Variants in TFAP2D observed in about 807,000 individuals in gnomAD.
TFAP2D encodes transcription factor AP-2 delta, also known as transcription factor AP-2-delta.
In TFAP2D, 9 loss-of-function variants were observed where a neutral mutation model predicts 43.6. The observed-to-expected ratio is 0.21, with a 90% CI of 0.12 to 0.36. The LOEUF (loss-of-function observed/expected upper bound fraction) is 0.36. Among genes scored for constraint, TFAP2D ranks in the 10% least tolerant of loss-of-function variants. The pLI is 1.00. For synonymous variants in TFAP2D, 256 were observed against 224.9 expected, an observed-to-expected ratio of 1.14 and a Z score of -1.24; for missense variants, 513 against 561.4, an observed-to-expected ratio of 0.91 and a Z score of 0.87.
At chr6:50,767,292 C>G (rs866370131) in intron 7 of TFAP2D, among the ~76,000 whole-genome samples, 1 of 152,146 alleles carries the variant, frequency 6.6e-6, no homozygotes, top group Non-Finnish European at 1.5e-5. Context: ...CAGCTTTTCA[C>G]TATTGAGTAT....
At chr6:50,726,418 C>T (rs930674409) in intron 3 of TFAP2D, among the ~76,000 whole-genome samples, 1 of 152,302 alleles carries the variant, frequency 6.6e-6, no homozygotes. Flanking sequence ...TTATCATAAA[C>T]TTGAAGCTAA....
At chr6:50,721,393 G>T (rs1768722209) in intron 3 of TFAP2D, among the ~76,000 whole-genome samples, 1 of 152,202 alleles carries the variant, frequency 6.6e-6, no homozygotes, top group African/African-American at 2.4e-5. Context: ...TTGAGCCTTG[G>T]AGAGGAGGGT....
intron 5 of TFAP2D, among the ~76,000 whole-genome samples, chr6:50,736,213 G>A (rs1272331797): frequency 1.3e-5 from 2 of 152,152 alleles, no homozygotes; most frequent in African/African-American, 4.8e-5. Flanking sequence ...TATGAAAAGT[G>A]TAGTGCGTTG....
intron 5 of TFAP2D, among the ~76,000 whole-genome samples, chr6:50,744,302 G>A (rs752302750): frequency 3.3e-5 from 5 of 152,054 alleles, no homozygotes; most frequent in Non-Finnish European, 5.9e-5. Context: ...TGCAGTATTC[G>A]GTTTTCTGTT....
intron 6 of TFAP2D, among the ~76,000 whole-genome samples, chr6:50,746,008 C>A (rs926586294): frequency 6.6e-6 from 1 of 152,022 alleles, no homozygotes; most frequent in African/African-American, 2.4e-5. Context: ...CCAGCAGAAC[C>A]GCAGATAGCA....
At chr6:50,746,827 C>G (rs373147189) in intron 6 of TFAP2D, among the ~76,000 whole-genome samples, 1 of 152,118 alleles carries the variant, frequency 6.6e-6, no homozygotes, top group African/African-American at 2.4e-5. Context: ...GTGGCTGGCA[C>G]TGTTTGGACT....
At position 50,772,864 on chromosome 6, in the gene TFAP2D, G is replaced by C. The variant is rs1447448857; in HGVS notation, c.1359G>C (p.Ter453TyrextTer14). ...AGGGCAAAACAGAAAAGACAGACTA[G>C]CTACATCAAACAGAATCTATTTCCA... Reference protein sequence around the residue: ...VKEGKTEKTD* With the variant: ...VKEGKTEKTDY The change falls in exon 8 of 8, where the codon TAG becomes TAC. Residue 453 changes from the stop codon to tyrosine, a stop_lost. Coordinates refer to ENST00000008391, the MANE Select transcript of TFAP2D (RefSeq NM_172238.4). 1.9e-6 allele frequency: 3 copies of C among 1,610,076 alleles called. No homozygotes were observed. Among genetic ancestry groups the C allele is most frequent in the Non-Finnish European group, 2.5e-6 (3 of 1,178,018 alleles).
chr6:50,740,420 G>A (rs983448016), intron 5 of TFAP2D, among the ~76,000 whole-genome samples: 2 of 151,768 alleles, frequency 1.3e-5, no homozygotes, highest in Non-Finnish European at 2.9e-5. Context: ...TTTAAAGAAA[G>A]AATTTTGTTT....
chr6:50,723,475 G>C lies in TFAP2D; in HGVS notation c.598+4325G>C, dbSNP rs144880444. Among the ~76,000 whole-genome samples, 115 of 152,316 alleles carry C rather than the reference G, an allele frequency of 7.6e-4. 1 individual carries two copies. The highest frequency in any genetic ancestry group is 2.5e-3 in the African/African-American group (104 of 41,570). On this transcript the variant is annotated intron_variant, in intron 3 of 7. Coordinates refer to ENST00000008391, the MANE Select transcript of TFAP2D (RefSeq NM_172238.4). ...CTTTGTCAGTACTCTTCGGATTCCA[G>C]ATGGATTACCTGGAATCACTACTCT...
rs940214180 is a variant in TFAP2D, at chr6:50,743,059, T to C, written c.884-2048T>C. Among the ~76,000 whole-genome samples, 3 of 151,362 alleles carry C rather than the reference T, an allele frequency of 2.0e-5. 1 individual carries two copies. In the East Asian group the frequency reaches 5.9e-4, roughly 30 times the overall value. Reference sequence around the variant, plus strand: ...TCTTACCTTAAACTGTGACCCCCCATTAAACTAGCACTATTCAGATTAATA... The same window carrying C: ...TCTTACCTTAAACTGTGACCCCCCACTAAACTAGCACTATTCAGATTAATA... On this transcript the variant is annotated intron_variant, in intron 5 of 7. Transcript: ENST00000008391.
At chr6:50,730,170 G>A (rs1768865819) in intron 5 of TFAP2D, among the ~76,000 whole-genome samples, 1 of 152,118 alleles carries the variant, frequency 6.6e-6, no homozygotes, top group South Asian at 2.1e-4. Flanking sequence ...GGCACTGTAG[G>A]AAGTAGTGAA....
intron 7 of TFAP2D, among the ~76,000 whole-genome samples, chr6:50,765,244 A>C (rs1311800024): frequency 6.6e-6 from 1 of 152,218 alleles, no homozygotes; most frequent in East Asian, 1.9e-4. Flanking sequence ...TCATGTTGTC[A>C]AAATGGCAAA....
At chr6:50,743,455 C>G (rs1769082291) in intron 5 of TFAP2D, among the ~76,000 whole-genome samples, 1 of 151,998 alleles carries the variant, frequency 6.6e-6, no homozygotes, top group East Asian at 1.9e-4. Flanking sequence ...AATTACGGCT[C>G]ACTACAGTCT....
At chr6:50,772,508 C>A in intron 7 of TFAP2D, 137 bp from the exon 8 acceptor site, 1 of 767,554 alleles carries the variant, frequency 1.3e-6, no homozygotes, top group Non-Finnish European at 2.1e-6. Flanking sequence ...GTTGTATCTT[C>A]CACAATGCTT....
intron 5 of TFAP2D, among the ~76,000 whole-genome samples, chr6:50,731,989 C>G (rs981736280): frequency 6.6e-6 from 1 of 151,998 alleles, no homozygotes; most frequent in Non-Finnish European, 1.5e-5. Context: ...ATGTTTGTTC[C>G]ATTTCTACAG....
chr6:50,744,959 C>G lies in TFAP2D; in HGVS notation c.884-148C>G, dbSNP rs80066337. On this transcript the variant is annotated intron_variant, in intron 5 of 7. Coordinates refer to ENST00000008391, the MANE Select transcript of TFAP2D (RefSeq NM_172238.4). ...TTCCTCATTACCTCCCCTCCTCCCC[C>G]CAAAAAGGTCTTTTTTCTTGAATAG... The G allele has an allele frequency of 4.9e-5, 46 of 935,480 alleles. 1 individual carries two copies. In the African/African-American group the frequency reaches 5.6e-4, roughly 11 times the overall value. The allele number at this position is 935,480 out of a possible 1,614,324, so 57.9% of individuals were successfully genotyped here. A position where few individuals can be genotyped will look rare whatever the true frequency, so the allele number is the denominator to read the frequency against.
At chr6:50,760,751 C>T (rs1401362910) in intron 7 of TFAP2D, among the ~76,000 whole-genome samples, 1 of 151,976 alleles carries the variant, frequency 6.6e-6, no homozygotes, top group Non-Finnish European at 1.5e-5. Context: ...GACCCAGTTA[C>T]ATGCCCCATG....
intron 6 of TFAP2D, among the ~76,000 whole-genome samples, chr6:50,746,617 T>C (rs1722452128): frequency 6.6e-6 from 1 of 152,156 alleles, no homozygotes; most frequent in Admixed American, 6.5e-5. Flanking sequence ...AACAAGTAAT[T>C]ATTTAATGCC....
intron 5 of TFAP2D, among the ~76,000 whole-genome samples, chr6:50,730,912 T>C (rs1159985971): frequency 6.6e-6 from 1 of 152,114 alleles, no homozygotes; most frequent in Non-Finnish European, 1.5e-5. Flanking sequence ...GCTCATGAAA[T>C]TTCTAATTGG....
Sources: allele counts gnomAD v4.1 joint callset (sites outside exome capture counted in the v4.1 genomes callset), GRCh38; gene constraint gnomAD v4.1.1; transcripts MANE v1.5; gene names NCBI Gene and HGNC (gene_info 2026-07-23, HGNC 2026-07-21).